The following ROBO1 variants were observed in gnomAD, a reference collection of about 807,000 sequenced individuals.
ROBO1 encodes the protein roundabout guidance receptor 1.
In ROBO1, 149 loss-of-function variants were observed where a neutral mutation model predicts 195.9. That is an observed-to-expected ratio of 0.76 (90% CI 0.67 to 0.87). The LOEUF is 0.87. ROBO1 is among the 40% of genes least tolerant of loss of function. The pLI, the probability that ROBO1 is intolerant of heterozygous loss-of-function variation, is 0.00. For synonymous variants in ROBO1, 816 were observed against 733.2 expected (o/e 1.11, Z -1.82); for missense variants, 1,933 against 2,068.3 (o/e 0.93, Z 1.27).
chr3:79,013,294 C>T lies in ROBO1; in HGVS notation c.173-74367G>A, dbSNP rs530643866. On this transcript the variant is annotated intron_variant, in intron 3 of 30. Coordinates refer to ENST00000464233, the MANE Select transcript of ROBO1 (RefSeq NM_002941.4). ...GCCATTCATTTTCCAAAATACAACT[C>T]GAAAGCCACGTGCATCTGCATCACC... Among the ~76,000 whole-genome samples the T allele has an allele frequency of 8.7e-4, 133 of 152,230 alleles. No individual in the cohort carries two copies. In the Middle Eastern group the frequency reaches 0.014, roughly 16 times the overall value.
chr3:78,744,059 G>C (rs1419735035), intron 5 of ROBO1, among the ~76,000 whole-genome samples: 2 of 151,964 alleles, frequency 1.3e-5, no homozygotes, highest in Non-Finnish European at 2.9e-5. Flanking sequence ...AATTATACTT[G>C]GATATCCAAT....
chr3:78,822,977 T>C (rs2031160820), intron 4 of ROBO1, among the ~76,000 whole-genome samples: 2 of 152,202 alleles, frequency 1.3e-5, no homozygotes, highest in Admixed American at 6.5e-5. Context: ...TGAATCCAAA[T>C]GTTCTGTTCT....
At chr3:79,551,509 C>T (rs1401410571) in intron 2 of ROBO1, among the ~76,000 whole-genome samples, 1 of 151,950 alleles carries the variant, frequency 6.6e-6, no homozygotes, top group African/African-American at 2.4e-5. Flanking sequence ...TGTCCTTACT[C>T]AGCACTTTTA....
intron 4 of ROBO1, among the ~76,000 whole-genome samples, chr3:78,885,387 G>T (rs2036485726): frequency 9.1e-6 from 1 of 109,700 alleles, no homozygotes. Context: ...TAACAAACCT[G>T]CACTTGTAAC....
intron 4 of ROBO1, among the ~76,000 whole-genome samples, chr3:78,788,426 CTTT>C (rs373965044): frequency 2.2e-4 from 16 of 73,860 alleles, no homozygotes; most frequent in Non-Finnish European, 2.9e-4. Context: ...CCTCTCTTTT[CTTT>C]TTTTTTTTTT....
At chr3:79,186,721 C>T (rs2081446335) in intron 2 of ROBO1, among the ~76,000 whole-genome samples, 1 of 152,094 alleles carries the variant, frequency 6.6e-6, no homozygotes, top group Non-Finnish European at 1.5e-5. Flanking sequence ...TACCATCCCC[C>T]TTCCTACCAC....
chr3:78,683,320 CT>C (rs1320692936), intron 10 of ROBO1, among the ~76,000 whole-genome samples: 1 of 151,926 alleles, frequency 6.6e-6, no homozygotes, highest in African/African-American at 2.4e-5. Context: ...GATGTTAATT[CT>C]TAAGTTATTC....
intron 1 of ROBO1, among the ~76,000 whole-genome samples, chr3:79,653,943 A>G (rs1194763389): frequency 6.6e-6 from 1 of 151,982 alleles, no homozygotes. Context: ...CATGTTAGGA[A>G]AGTATGTTTT....
At chr3:79,332,201 TAAA>T (rs71127379) in intron 2 of ROBO1, among the ~76,000 whole-genome samples, 3 of 122,302 alleles carry the variant, frequency 2.5e-5, no homozygotes, top group Non-Finnish European at 3.5e-5. Context: ...ATTGATGACC[TAAA>T]AAAAAAAAAA....
At chr3:79,272,881 T>C (rs943977951) in intron 2 of ROBO1, among the ~76,000 whole-genome samples, 1 of 151,904 alleles carries the variant, frequency 6.6e-6, no homozygotes, top group Non-Finnish European at 1.5e-5. Flanking sequence ...ACAAGTAACA[T>C]ACAACAGAAA....
chr3:79,036,659 GA>G (rs956157014), intron 3 of ROBO1, among the ~76,000 whole-genome samples: 5 of 149,588 alleles, frequency 3.3e-5, no homozygotes, highest in African/African-American at 7.4e-5. Flanking sequence ...TTCCTTTCTG[GA>G]AAAAAAAAGA....
At chr3:79,371,461 G>A (rs1324240095) in intron 2 of ROBO1, among the ~76,000 whole-genome samples, 1 of 152,130 alleles carries the variant, frequency 6.6e-6, no homozygotes, top group African/African-American at 2.4e-5. Context: ...CATTTACGTA[G>A]TAGATGGAAA....
intron 2 of ROBO1, among the ~76,000 whole-genome samples, chr3:79,378,259 G>A (rs557798808): frequency 4.7e-4 from 71 of 151,752 alleles, no homozygotes; most frequent in African/African-American, 1.5e-3. Context: ...CAGGGCTTGC[G>A]TAATAGCCAT....
chr3:79,600,283 C>CG (rs1944301329), intron 1 of ROBO1, among the ~76,000 whole-genome samples: 1 of 151,912 alleles, frequency 6.6e-6, no homozygotes, highest in African/African-American at 2.4e-5. Flanking sequence ...ATAAGTGTTG[C>CG]CTCTGATGAG....
chr3:79,114,197 C>T (rs767959022), intron 3 of ROBO1, among the ~76,000 whole-genome samples: 1 of 152,162 alleles, frequency 6.6e-6, no homozygotes, highest in Non-Finnish European at 1.5e-5. Flanking sequence ...TATAAATCAC[C>T]CAGTCTTGGG....
intron 2 of ROBO1, among the ~76,000 whole-genome samples, chr3:79,312,148 C>T (rs2109097625): frequency 6.6e-6 from 1 of 152,308 alleles, no homozygotes; most frequent in East Asian, 1.9e-4. Flanking sequence ...AATCCAACTA[C>T]TTCTCACTAT....
chr3:79,625,498 TGCACACAATTTAAAAA>T (rs1945148496), intron 1 of ROBO1, among the ~76,000 whole-genome samples: 1 of 95,422 alleles, frequency 1.0e-5, no homozygotes, highest in Admixed American at 1.2e-4. Context: ...AAGAATCAAA[TGCACACAATTTAAAAA>T]GACAAAGGAA....
chr3:79,527,762 C>T (rs1039028971), intron 2 of ROBO1: 6 of 33,288 alleles, frequency 1.8e-4, no homozygotes, highest in Non-Finnish European at 2.7e-4. Context: ...TGACATGGAC[C>T]GCTGAGTTAG....
At chr3:79,589,061 T>C (rs1296188973) in intron 2 of ROBO1, among the ~76,000 whole-genome samples, 1 of 151,720 alleles carries the variant, frequency 6.6e-6, no homozygotes, top group Non-Finnish European at 1.5e-5. Context: ...AAACATGGTA[T>C]GTTATTCTTT....
Sources: allele counts gnomAD v4.1 joint callset (sites outside exome capture counted in the v4.1 genomes callset), GRCh38; gene constraint gnomAD v4.1.1; transcripts MANE v1.5; gene names NCBI Gene and HGNC (gene_info 2026-07-23, HGNC 2026-07-21).